STIM2: variants seen among roughly 807,000 people sequenced by gnomAD.
The protein encoded by STIM2 is stromal interaction molecule 2.
Under a neutral mutation model 85.8 loss-of-function variants are expected in STIM2, and 31 were observed. The ratio of observed to expected loss-of-function variants is 0.36; its 90% CI spans 0.27 to 0.49. The LOEUF is 0.49. Ranked by LOEUF, STIM2 falls within the 20% of genes least tolerant of loss-of-function variation. The pLI is 0.98. For synonymous variants in STIM2, 356 were observed against 331.1 expected (o/e 1.08, Z -0.82); for missense variants, 841 against 927.6 (o/e 0.91, Z 1.21).
intron 5 of STIM2, among the ~76,000 whole-genome samples, chr4:27,000,820 T>G (rs2109130164): frequency 6.6e-6 from 1 of 152,288 alleles, no homozygotes; most frequent in South Asian, 2.1e-4. Flanking sequence ...TAAAGTTTTT[T>G]TTTTTTTAAT....
At chr4:26,905,254 A>G (rs1724081264) in intron 1 of STIM2, among the ~76,000 whole-genome samples, 1 of 152,208 alleles carries the variant, frequency 6.6e-6, no homozygotes, top group South Asian at 2.1e-4. Flanking sequence ...ATATTGAGAT[A>G]AAAAGTAGTT....
intron 3 of STIM2, among the ~76,000 whole-genome samples, chr4:26,985,951 T>C (rs1278836532): frequency 6.6e-6 from 1 of 152,238 alleles, no homozygotes; most frequent in East Asian, 1.9e-4. Flanking sequence ...ATGCTTGTTA[T>C]ATCCAAGGTC....
intron 3 of STIM2, among the ~76,000 whole-genome samples, chr4:26,974,304 A>G (rs1007486700): frequency 1.3e-5 from 2 of 152,090 alleles, no homozygotes; most frequent in African/African-American, 4.8e-5. Context: ...TTTTCCCGTT[A>G]ATTAATGCAG....
Position 26,995,310 on chromosome 4 carries a change from A to G in STIM2, c.398-69A>G. 7.3e-6 allele frequency: 6 copies of G among 816,868 alleles called. No homozygotes were observed. In the Middle Eastern group the frequency reaches 7.2e-4, roughly 98 times the overall value. The allele number at this position is 816,868 out of a possible 1,614,324, so 50.6% of individuals were successfully genotyped here. A position where few individuals can be genotyped will look rare whatever the true frequency, so the allele number is the denominator to read the frequency against. On this transcript the variant is annotated intron_variant, in intron 3 of 11. Transcript: ENST00000467087. ...CAATCTAATATCTTTATATTCTCTG[A>G]AATTATAGAATATGTATTTCTGAAA...
intron 1 of STIM2, among the ~76,000 whole-genome samples, chr4:26,891,950 T>C (rs1401902458): frequency 6.6e-6 from 1 of 152,164 alleles, no homozygotes; most frequent in Non-Finnish European, 1.5e-5. Context: ...TGGGAGATGA[T>C]TGAATCTTGG....
intron 3 of STIM2, among the ~76,000 whole-genome samples, chr4:26,986,385 T>C (rs1157332048): frequency 2.0e-5 from 3 of 152,210 alleles, no homozygotes; most frequent in South Asian, 2.1e-4. Flanking sequence ...TTTTGGATAG[T>C]ATATACTTAT....
intron 2 of STIM2, among the ~76,000 whole-genome samples, chr4:26,927,907 ATTTC>A (rs1261870613): frequency 6.8e-6 from 1 of 148,118 alleles, no homozygotes; most frequent in Admixed American, 6.8e-5. Flanking sequence ...ATATTAATAT[ATTTC>A]TTAGTCTGGT....
At chr4:27,006,762 G>A (rs964797833) in intron 7 of STIM2, among the ~76,000 whole-genome samples, 4 of 152,092 alleles carry the variant, frequency 2.6e-5, no homozygotes, top group Admixed American at 6.6e-5. Flanking sequence ...CTATGACATC[G>A]TTATACTGAA....
intron 1 of STIM2, among the ~76,000 whole-genome samples, chr4:26,891,770 C>G (rs1039882233): frequency 6.6e-6 from 1 of 152,196 alleles, no homozygotes; most frequent in African/African-American, 2.4e-5. Flanking sequence ...ACAACTTTTA[C>G]TTCACATTAG....
chr4:27,012,552 C>T (rs554773894), intron 10 of STIM2, among the ~76,000 whole-genome samples: 7 of 151,906 alleles, frequency 4.6e-5, no homozygotes, highest in African/African-American at 1.4e-4. Flanking sequence ...GAGGAAATGC[C>T]GTTGGATTTG....
At chr4:26,970,904 G>A (rs1560224403) in intron 3 of STIM2, among the ~76,000 whole-genome samples, 1 of 152,116 alleles carries the variant, frequency 6.6e-6, no homozygotes, top group Non-Finnish European at 1.5e-5. Context: ...TCCAGCATCT[G>A]TTGTTTCCTG....
intron 3 of STIM2, among the ~76,000 whole-genome samples, chr4:26,985,055 A>G (rs1727531137): frequency 6.6e-6 from 1 of 152,200 alleles, no homozygotes; most frequent in African/African-American, 2.4e-5. Flanking sequence ...TTACAAAGAC[A>G]TGCCCTGCTG....
In STIM2 at chr4:26,861,320, C is replaced by T; in HGVS notation, c.102C>T (p.Ala34=). The T allele has an allele frequency of 7.1e-7, 1 of 1,405,388 alleles. No homozygotes were observed. Among genetic ancestry groups the T allele is most frequent in the Admixed American group, 3.0e-5 (1 of 33,530 alleles). The allele number at this position is 1,405,388 out of a possible 1,614,324, so 87.1% of individuals were successfully genotyped here. A position where few individuals can be genotyped will look rare whatever the true frequency, so the allele number is the denominator to read the frequency against. The stretch of plus-strand genomic sequence containing the variant: ...GGGCGACTGGCTCTGCCGCAACTGC[C>T]GCCTCCTCTCCCGCCGCGGCGGCCG... The change falls in exon 1 of 12, where the codon GCC becomes GCT. Residue 34 remains alanine (A), a synonymous_variant. Transcript: ENST00000467087.
chr4:27,022,919 C>T lies in STIM2; in HGVS notation c.2164C>T (p.His722Tyr). Residue 722 changes from histidine to tyrosine, a missense_variant, in exon 12 of 12, where the codon CAT becomes TAT. His to Tyr is a moderately conservative substitution (Grantham distance 83). Around this residue, in one of 3 missense-constraint regions of STIM2, gnomAD observed 293 missense variants for 284.5 expected, o/e 1.03. Transcript: ENST00000467087. Reference sequence around the variant, plus strand: ...TGTTGCCAGAATAAGCAGCATCCCACATGACCTTTGTCATAATGGAGAGAA... The same window carrying T: ...TGTTGCCAGAATAAGCAGCATCCCATATGACCTTTGTCATAATGGAGAGAA... 6.2e-7 allele frequency: 1 copy of T among 1,614,192 alleles called. No homozygotes were observed. Among genetic ancestry groups the T allele is most frequent in the Non-Finnish European group, 8.5e-7 (1 of 1,180,036 alleles).
At chr4:26,919,423 G>A in intron 1 of STIM2, 81 bp from the exon 2 acceptor site, 2 of 1,561,750 alleles carry the variant, frequency 1.3e-6, no homozygotes, top group Non-Finnish European at 1.7e-6. Flanking sequence ...AATTCTGTTG[G>A]TTTTCTTTTA....
intron 2 of STIM2, among the ~76,000 whole-genome samples, chr4:26,936,039 G>A (rs183344988): frequency 2.6e-5 from 4 of 152,246 alleles, no homozygotes; most frequent in African/African-American, 7.2e-5. Flanking sequence ...AAGCAGGGTT[G>A]TATTTGTCTT....
At chr4:27,009,220 TAC>T (rs897289551) in intron 10 of STIM2, among the ~76,000 whole-genome samples, 2 of 152,250 alleles carry the variant, frequency 1.3e-5, no homozygotes, top group East Asian at 3.9e-4. Flanking sequence ...TATATATTTA[TAC>T]ACACACTTTA....
intron 2 of STIM2, among the ~76,000 whole-genome samples, chr4:26,927,861 T>G (rs184611273): frequency 5.8e-4 from 80 of 136,908 alleles, no homozygotes; most frequent in Non-Finnish European, 8.7e-4. Flanking sequence ...TATATAATTA[T>G]TATATAAATT....
intron 4 of STIM2, among the ~76,000 whole-genome samples, chr4:26,998,598 GTAAT>G (rs1728040348): frequency 6.6e-6 from 1 of 152,106 alleles, no homozygotes; most frequent in African/African-American, 2.4e-5. Flanking sequence ...AGTGACAGAA[GTAAT>G]TAATGACTAT....
Sources: allele counts gnomAD v4.1 joint callset (sites outside exome capture counted in the v4.1 genomes callset), GRCh38; gene constraint gnomAD v4.1.1; regional missense constraint gnomAD v4.1.1; transcripts MANE v1.5; gene names NCBI Gene and HGNC (gene_info 2026-07-23, HGNC 2026-07-21).